Variants in COL15A1 observed in about 807,000 individuals in gnomAD.
COL15A1 encodes collagen alpha-1(XV) chain.
Under a neutral mutation model 165.9 loss-of-function variants are expected in COL15A1, and 111 were observed. The observed-to-expected ratio is 0.67, with a 90% CI of 0.57 to 0.78. COL15A1 has a LOEUF of 0.78. Among genes scored for constraint, COL15A1 ranks in the 30% least tolerant of loss-of-function variants. The pLI is 0.00. For missense variants in COL15A1, 1,745 were observed against 1,789.7 expected (o/e 0.98, Z 0.45); for synonymous variants, 659 against 674.8 (o/e 0.98, Z 0.36).
At chr9:99,019,160 C>T (rs958633699) in intron 11 of COL15A1, among the ~76,000 whole-genome samples, 3 of 152,126 alleles carry the variant, frequency 2.0e-5, no homozygotes, top group Non-Finnish European at 4.4e-5. Context: ...AGAAGGCACC[C>T]ACCTTGGGAT....
intron 5 of COL15A1, among the ~76,000 whole-genome samples, chr9:98,991,057 G>A (rs1446613142): frequency 6.6e-6 from 1 of 152,184 alleles, no homozygotes; most frequent in Non-Finnish European, 1.5e-5. Context: ...CCTCCCGGTG[G>A]GTTCATGGTC....
chr9:98,998,384 G>T (rs1838586127), intron 6 of COL15A1, among the ~76,000 whole-genome samples: 1 of 152,160 alleles, frequency 6.6e-6, no homozygotes, highest in Admixed American at 6.5e-5. Flanking sequence ...GAACTGGAGA[G>T]AAAAAATTGT....
At position 99,066,968 on chromosome 9, in the gene COL15A1, G is replaced by A. The variant is rs762488587; in HGVS notation, c.3738G>A (p.Leu1246=). ...TCAAGCAGGCCAGAGCTGCAGGACT[G>A]TTGTCCACCTACCGAGCATTCTTAT... ...QCFKQARAAG[L]LSTYRAFLSS... Residue 1246 remains leucine (L), a synonymous_variant, in exon 40 of 42, where the codon CTG becomes CTA. Transcript: ENST00000375001. 6.2e-7 allele frequency: 1 copy of A among 1,614,154 alleles called. No individual in the cohort carries two copies. Among genetic ancestry groups the A allele is most frequent in the South Asian group, 1.1e-5 (1 of 91,088 alleles).
rs1487400891 is a variant in COL15A1 at position 99,019,475 on chromosome 9, A to G, written c.1648-914A>G. On this transcript the variant is annotated intron_variant, in intron 11 of 41. Transcript: ENST00000375001. The stretch of plus-strand genomic sequence containing the variant: ...GATGATTCACCTGCCTCAGCCTCCC[A>G]AAGTGCTGGGATTACAGGCGTGAGC... Among the ~76,000 whole-genome samples, 5 of 151,954 alleles carry G rather than the reference A, an allele frequency of 3.3e-5. No individual in the cohort carries two copies. The South Asian group carries it at 1.0e-3, about 31-fold the overall frequency.
intron 9 of COL15A1, among the ~76,000 whole-genome samples, chr9:99,013,588 A>G (rs1203104752): frequency 6.6e-6 from 1 of 151,880 alleles, no homozygotes; most frequent in African/African-American, 2.4e-5. Context: ...CTTCCTGTAA[A>G]TTGTCCTCAG....
At chr9:98,960,825 T>C (rs1015729125) in intron 2 of COL15A1, among the ~76,000 whole-genome samples, 10 of 152,274 alleles carry the variant, frequency 6.6e-5, no homozygotes, top group African/African-American at 2.2e-4. Flanking sequence ...TGCTAGCTGA[T>C]GTTGTGCCTA....
chr9:99,007,061 C>T (rs753040445), intron 9 of COL15A1, among the ~76,000 whole-genome samples: 3 of 152,162 alleles, frequency 2.0e-5, no homozygotes, highest in African/African-American at 4.8e-5. Context: ...TACATTGGTT[C>T]AGTCCAGAAA....
At chr9:98,993,263 A>G (rs1020815944) in intron 5 of COL15A1, among the ~76,000 whole-genome samples, 2 of 152,122 alleles carry the variant, frequency 1.3e-5, no homozygotes, top group African/African-American at 4.8e-5. Context: ...GTTTGTTGTG[A>G]GGATTAAGGG....
chr9:98,957,055 T>A (rs1267490449), intron 2 of COL15A1, among the ~76,000 whole-genome samples: 1 of 152,192 alleles, frequency 6.6e-6, no homozygotes, highest in African/African-American at 2.4e-5. Flanking sequence ...CATTAGGTTC[T>A]ATAGCAAAGG....
At chr9:99,015,921 C>T in intron 10 of COL15A1, 55 bp from the exon 11 acceptor site, 1 of 1,589,862 alleles carries the variant, frequency 6.3e-7, no homozygotes, top group South Asian at 1.1e-5. Flanking sequence ...TTACAACTCC[C>T]TGGCAGCCTC....
intron 2 of COL15A1, among the ~76,000 whole-genome samples, chr9:98,972,897 C>A (rs1266680937): frequency 6.6e-6 from 1 of 152,198 alleles, no homozygotes; most frequent in Non-Finnish European, 1.5e-5. Flanking sequence ...TGGGCTGTAA[C>A]AGGCAGAGCC....
chr9:99,049,581 GTTGGC>G (rs1839549318), intron 28 of COL15A1, 104 bp from the exon 29 acceptor site: 2 of 1,399,534 alleles, frequency 1.4e-6, no homozygotes, highest in Non-Finnish European at 2.0e-6. Flanking sequence ...AGAGAAGTTG[GTTGGC>G]TTCAGCAGAC....
At chr9:98,981,535 G>A (rs1350896301) in intron 2 of COL15A1, among the ~76,000 whole-genome samples, 1 of 152,182 alleles carries the variant, frequency 6.6e-6, no homozygotes, top group Non-Finnish European at 1.5e-5. Flanking sequence ...AATGCTGAGT[G>A]AAAAATAAAA....
In COL15A1 at chr9:99,040,914, G is replaced by T. The variant is rs937304564; in HGVS notation, c.2511+358G>T. On this transcript the variant is annotated intron_variant, in intron 23 of 41. Transcript: ENST00000375001. ...ACGTTAAAAAACAAAAGAGAGAATG[G>T]CAACCATGACCACGATTGTGACCAT... 2.2e-5 allele frequency: 5 copies of T among 229,450 alleles called. No individual in the cohort carries two copies. The East Asian group carries it at 4.7e-4, about 22-fold the overall frequency. The allele number at this position is 229,450 out of a possible 1,614,324, so 14.2% of individuals were successfully genotyped here.
chr9:98,974,591 C>T (rs572055011), intron 2 of COL15A1, among the ~76,000 whole-genome samples: 34 of 152,322 alleles, frequency 2.2e-4, no homozygotes, highest in African/African-American at 8.2e-4. Flanking sequence ...TCCTCTTCTC[C>T]CCAGGGACTG....
At chr9:99,015,846 G>T in intron 10 of COL15A1, 130 bp from the exon 11 acceptor site, 1 of 1,105,870 alleles carries the variant, frequency 9.0e-7, no homozygotes, top group Non-Finnish European at 1.3e-6. Flanking sequence ...GGGGTGTGCT[G>T]GGGGTAACGA....
intron 2 of COL15A1, among the ~76,000 whole-genome samples, chr9:98,971,139 C>G (rs1838043592): frequency 1.3e-5 from 2 of 152,156 alleles, no homozygotes; most frequent in African/African-American, 4.8e-5. Context: ...ACCCCCTGGT[C>G]TATGTGTCTA....
rs543270660 is a variant in COL15A1, at chr9:99,052,469, G to A, written c.2950+36G>A. On this transcript the variant is annotated intron_variant, in intron 31 of 41. Transcript: ENST00000375001. ...CCTTCTTCATCATTTGTTTCTCTGG[G>A]ACATCTCCTTGAGGAAGATGGTTTT... 3 of 1,524,952 alleles carry A rather than the reference G, an allele frequency of 2.0e-6. No homozygotes were observed. In the East Asian group the frequency reaches 6.8e-5, roughly 34 times the overall value. 94.5% of individuals were successfully genotyped at this position (1,524,952 alleles called of 1,614,324 possible).
At chr9:99,024,576 C>T (rs1210407633) in intron 14 of COL15A1, among the ~76,000 whole-genome samples, 1 of 152,148 alleles carries the variant, frequency 6.6e-6, no homozygotes, top group Non-Finnish European at 1.5e-5. Context: ...ACCAGAGCAC[C>T]TCTCAGAATT....
Sources: gnomAD v4.1 joint callset for allele counts (sites outside exome capture counted in the v4.1 genomes callset) on GRCh38, gnomAD v4.1.1 for gene constraint, MANE v1.5 for transcripts, NCBI Gene and HGNC (gene_info 2026-07-23, HGNC 2026-07-21) for gene names.